The following SLC41A2 variants were observed in gnomAD, a reference collection of about 807,000 sequenced individuals.
SLC41A2 encodes solute carrier family 41 member 2.
Under a neutral mutation model 58.3 loss-of-function variants are expected in SLC41A2, and 32 were observed. The observed-to-expected ratio is 0.55, with a 90% CI of 0.41 to 0.74. The LOEUF is 0.74. SLC41A2 is among the 30% of genes least tolerant of loss of function. The pLI, the probability that SLC41A2 is intolerant of heterozygous loss-of-function variation, is 0.00. For synonymous variants in SLC41A2, 190 were observed against 235.0 expected (o/e 0.81, Z 1.75); for missense variants, 514 against 680.6 (o/e 0.76, Z 2.72).
intron 2 of SLC41A2, among the ~76,000 whole-genome samples, chr12:104,917,535 T>C (rs1226556434): frequency 2.0e-5 from 3 of 151,858 alleles, no homozygotes; most frequent in South Asian, 4.2e-4. Context: ...TGTATGTTTA[T>C]TGCGGCACTA....
chr12:104,829,578 G>A (rs1334760127), intron 10 of SLC41A2, among the ~76,000 whole-genome samples: 2 of 151,748 alleles, frequency 1.3e-5, no homozygotes, highest in Admixed American at 1.3e-4. Context: ...GTCATTACAT[G>A]GGTGTACACA....
chr12:104,851,504 C>T (rs2042797979), intron 8 of SLC41A2, among the ~76,000 whole-genome samples: 1 of 152,022 alleles, frequency 6.6e-6, no homozygotes, highest in Non-Finnish European at 1.5e-5. Flanking sequence ...CTGCCTTAGC[C>T]GCTTGCGTAG....
At chr12:104,925,511 T>C (rs920624236) in intron 2 of SLC41A2, among the ~76,000 whole-genome samples, 2 of 151,580 alleles carry the variant, frequency 1.3e-5, no homozygotes, top group Non-Finnish European at 2.9e-5. Context: ...TGAGCCGAGA[T>C]AGCGCCACTG....
chr12:104,806,379 A>G (rs2040903188), intron 10 of SLC41A2, among the ~76,000 whole-genome samples: 1 of 151,994 alleles, frequency 6.6e-6, no homozygotes, highest in Admixed American at 6.5e-5. Flanking sequence ...CCATGTCCCT[A>G]CAAAGGACAT....
Position 104,865,302 on chromosome 12 carries a change from CATGTACAG to C in SLC41A2, c.1175+1122_1175+1129del, listed in dbSNP as rs554768209. 4.4e-4 allele frequency among the ~76,000 whole-genome samples: 67 copies of C among 152,336 alleles called. No homozygotes were observed. In the South Asian group the frequency reaches 0.014, roughly 31 times the overall value. On this transcript the variant is annotated intron_variant, in intron 7 of 10. Coordinates refer to ENST00000258538, the MANE Select transcript of SLC41A2 (RefSeq NM_001352171.3). ...ACACAGTGCTTGAGCCACATCCTCA[CATGTACAG>C]ATGTTTCTGAATCTAGAACCTCTCC...
chr12:104,955,716 A>T (rs1229501430), intron 1 of SLC41A2, among the ~76,000 whole-genome samples: 2 of 151,056 alleles, frequency 1.3e-5, no homozygotes, highest in Non-Finnish European at 2.9e-5. Context: ...TGGAAAATTG[A>T]GTTTGAATTC....
chr12:104,838,598 T>C (rs1283414811), intron 10 of SLC41A2, among the ~76,000 whole-genome samples: 1 of 152,240 alleles, frequency 6.6e-6, no homozygotes, highest in Non-Finnish European at 1.5e-5. Context: ...AGTTTCATAT[T>C]TGTTGATACT....
At chr12:104,828,162 G>A (rs906272868) in intron 10 of SLC41A2, among the ~76,000 whole-genome samples, 1 of 152,184 alleles carries the variant, frequency 6.6e-6, no homozygotes, top group African/African-American at 2.4e-5. Flanking sequence ...GCGGCTGAAC[G>A]TCAGGAGGAA....
chr12:104,853,384 A>G lies in SLC41A2; in HGVS notation c.1256-7410T>C, dbSNP rs369361057. ...ATCCCTACCTGTTTTCTCCATCTCT[A>G]TGTACCTCTGCATTTTCACCTATCC... On this transcript the variant is annotated intron_variant, in intron 8 of 10. Transcript: ENST00000258538. Among the ~76,000 whole-genome samples, 80 of 152,246 alleles carry G rather than the reference A, an allele frequency of 5.3e-4. No individual in the cohort carries two copies. The East Asian group carries it at 0.013, about 25-fold the overall frequency.
intron 10 of SLC41A2, among the ~76,000 whole-genome samples, chr12:104,815,389 A>G (rs2041350074): frequency 6.6e-6 from 1 of 152,224 alleles, no homozygotes; most frequent in African/African-American, 2.4e-5. Context: ...TTGAAAAGGC[A>G]ACTTTGTAAC....
At chr12:104,816,122 G>A (rs535064104) in intron 10 of SLC41A2, among the ~76,000 whole-genome samples, 1 of 152,176 alleles carries the variant, frequency 6.6e-6, no homozygotes, top group Non-Finnish European at 1.5e-5. Flanking sequence ...AGCCCACACT[G>A]CTTCTCCCAT....
chr12:104,814,631 T>C (rs1372820164), intron 10 of SLC41A2, among the ~76,000 whole-genome samples: 1 of 152,168 alleles, frequency 6.6e-6, no homozygotes, highest in Non-Finnish European at 1.5e-5. Context: ...AGTCTTAGTT[T>C]CCTCATCTGT....
At chr12:104,881,799 G>T (rs1045672395) in intron 6 of SLC41A2, among the ~76,000 whole-genome samples, 1 of 152,202 alleles carries the variant, frequency 6.6e-6, no homozygotes, top group African/African-American at 2.4e-5. Context: ...CTGTTGATTT[G>T]GGGTGGAGAG....
At chr12:104,951,965 T>C (rs753490406) in intron 1 of SLC41A2, among the ~76,000 whole-genome samples, 2 of 152,006 alleles carry the variant, frequency 1.3e-5, no homozygotes, top group Admixed American at 6.6e-5. Context: ...GAGCAATCTG[T>C]GTCACTGTAC....
At chr12:104,911,046 C>T (rs568333244) in intron 2 of SLC41A2, among the ~76,000 whole-genome samples, 4 of 152,176 alleles carry the variant, frequency 2.6e-5, no homozygotes, top group Admixed American at 2.6e-4. Context: ...CTTATCTTAA[C>T]CCACATATTC....
chr12:104,840,988 A>G (rs1243085946), intron 10 of SLC41A2, among the ~76,000 whole-genome samples: 1 of 152,186 alleles, frequency 6.6e-6, no homozygotes, highest in Non-Finnish European at 1.5e-5. Context: ...ACTAACATCT[A>G]AAATCTGAAA....
At chr12:104,942,110 C>T (rs979249615) in intron 1 of SLC41A2, among the ~76,000 whole-genome samples, 36 of 152,010 alleles carry the variant, frequency 2.4e-4, no homozygotes, top group African/African-American at 8.2e-4. Context: ...ATTTATTCCC[C>T]CTACTCTGTC....
intron 10 of SLC41A2, among the ~76,000 whole-genome samples, chr12:104,807,962 T>C (rs2040989599): frequency 6.6e-6 from 1 of 152,264 alleles, no homozygotes; most frequent in African/African-American, 2.4e-5. Flanking sequence ...AAGGAGATTT[T>C]GGGCTGAGAC....
At chr12:104,878,623 C>A (rs2044187816) in intron 6 of SLC41A2, among the ~76,000 whole-genome samples, 1 of 152,104 alleles carries the variant, frequency 6.6e-6, no homozygotes, top group Non-Finnish European at 1.5e-5. Flanking sequence ...TCATCAATGT[C>A]CCTACAAAGG....
Sources: gnomAD v4.1 joint callset for allele counts (sites outside exome capture counted in the v4.1 genomes callset) on GRCh38, gnomAD v4.1.1 for gene constraint, MANE v1.5 for transcripts, NCBI Gene and HGNC (gene_info 2026-07-23, HGNC 2026-07-21) for gene names.